The following PCDH15 variants were observed in gnomAD, a reference collection of about 807,000 sequenced individuals.
The protein encoded by PCDH15 is protocadherin related 15.
Under a neutral mutation model 178.5 loss-of-function variants are expected in PCDH15, and 129 were observed. That is an observed-to-expected ratio of 0.72 (90% CI 0.63 to 0.84). PCDH15 has a LOEUF of 0.84. PCDH15 is among the 40% of genes least tolerant of loss of function. The pLI is 0.00. For synonymous variants in PCDH15, 800 were observed against 732.0 expected, an observed-to-expected ratio of 1.09 and a Z score of -1.50; for missense variants, 2,230 against 2,099.9, an observed-to-expected ratio of 1.06 and a Z score of -1.21.
intron 2 of PCDH15, among the ~76,000 whole-genome samples, chr10:55,351,623 T>C (rs575998179): frequency 3.7e-4 from 56 of 152,294 alleles, no homozygotes; most frequent in African/African-American, 1.3e-3. Flanking sequence ...CATTGTTTGC[T>C]TTCTCCACTG....
At chr10:53,830,917 C>T (rs1372171916) in intron 30 of PCDH15, among the ~76,000 whole-genome samples, 3 of 152,196 alleles carry the variant, frequency 2.0e-5, no homozygotes, top group East Asian at 1.9e-4. Flanking sequence ...ATGACAATGT[C>T]GCGAAGTTAT....
intron 2 of PCDH15, among the ~76,000 whole-genome samples, chr10:55,369,942 G>A (rs561930720): frequency 6.6e-6 from 1 of 151,520 alleles, no homozygotes; most frequent in South Asian, 2.1e-4. Flanking sequence ...AAATGGTCAA[G>A]TAATGGCAAT....
At chr10:54,664,141 G>A (rs368496748) in intron 2 of PCDH15, 31 bp downstream of exon 2, 40 of 1,509,298 alleles carry the variant, frequency 2.7e-5, no homozygotes, top group Non-Finnish European at 3.5e-5. Context: ...ATCCTGGCTC[G>A]CTCTAAAGGT....
chr10:54,620,846 T>C (rs1250702842), intron 2 of PCDH15, among the ~76,000 whole-genome samples: 1 of 152,016 alleles, frequency 6.6e-6, no homozygotes. Flanking sequence ...ATACAACACC[T>C]CCTTTTTCCC....
intron 2 of PCDH15, among the ~76,000 whole-genome samples, chr10:54,618,966 A>G (rs1252261710): frequency 6.6e-6 from 1 of 152,060 alleles, no homozygotes; most frequent in Non-Finnish European, 1.5e-5. Flanking sequence ...GGATGTTTTC[A>G]TTAAAAGAAA....
intron 9 of PCDH15, among the ~76,000 whole-genome samples, chr10:54,231,396 T>C (rs2054050948): frequency 6.6e-6 from 1 of 152,166 alleles, no homozygotes; most frequent in Admixed American, 6.5e-5. Flanking sequence ...TTTCAAAGGA[T>C]GTATGGAAAT....
chr10:55,139,014 T>C (rs374625272), intron 2 of PCDH15, among the ~76,000 whole-genome samples: 1 of 152,144 alleles, frequency 6.6e-6, no homozygotes, highest in Admixed American at 6.6e-5. Context: ...CATTTAGCCA[T>C]ACTGGTAAGT....
intron 2 of PCDH15, among the ~76,000 whole-genome samples, chr10:54,570,576 T>C (rs953828856): frequency 2.0e-5 from 3 of 151,880 alleles, no homozygotes; most frequent in African/African-American, 7.3e-5. Context: ...TGCATTGGAA[T>C]ATATTTATTC....
At chr10:54,473,739 A>T (rs1398583244) in intron 3 of PCDH15, among the ~76,000 whole-genome samples, 1 of 151,950 alleles carries the variant, frequency 6.6e-6, no homozygotes, top group Non-Finnish European at 1.5e-5. Context: ...TTATTTTATT[A>T]TCTTCAAGTA....
At chr10:55,292,638 T>G (rs1353758683) in intron 1 of PCDH15, among the ~76,000 whole-genome samples, 1 of 152,146 alleles carries the variant, frequency 6.6e-6, no homozygotes, top group Non-Finnish European at 1.5e-5. Flanking sequence ...CACCTCGGCC[T>G]TCCAAAGTGC....
intron 15 of PCDH15, among the ~76,000 whole-genome samples, chr10:54,115,720 C>T (rs550400859): frequency 6.6e-6 from 1 of 152,306 alleles, no homozygotes; most frequent in East Asian, 1.9e-4. Context: ...CTTCCCCTCC[C>T]TTCAATAGGA....
At chr10:54,814,700 C>T (rs1952920977) in intron 3 of PCDH15, among the ~76,000 whole-genome samples, 2 of 152,128 alleles carry the variant, frequency 1.3e-5, no homozygotes, top group South Asian at 4.1e-4. Flanking sequence ...CCCATTAACA[C>T]ATTAATGCCT....
intron 2 of PCDH15, among the ~76,000 whole-genome samples, chr10:55,164,876 T>A (rs1437147842): frequency 6.6e-6 from 1 of 152,074 alleles, no homozygotes; most frequent in Non-Finnish European, 1.5e-5. Flanking sequence ...CTTACCCTAA[T>A]CCTTCAAGGA....
chr10:54,560,561 T>C (rs887688824), intron 2 of PCDH15, among the ~76,000 whole-genome samples: 2 of 152,054 alleles, frequency 1.3e-5, no homozygotes, highest in African/African-American at 2.4e-5. Flanking sequence ...AAAATATAGA[T>C]ACACACTTTT....
chr10:54,537,355 G>A (rs2084690837), intron 2 of PCDH15, among the ~76,000 whole-genome samples: 1 of 152,062 alleles, frequency 6.6e-6, no homozygotes, highest in South Asian at 2.1e-4. Context: ...TCTAATAGAA[G>A]AGCTGGTATC....
intron 3 of PCDH15, among the ~76,000 whole-genome samples, chr10:54,465,244 A>G (rs2077440751): frequency 6.6e-6 from 1 of 152,014 alleles, no homozygotes; most frequent in Non-Finnish European, 1.5e-5. Context: ...TTTTCATCTC[A>G]ATGCGTTAAA....
intron 25 of PCDH15, among the ~76,000 whole-genome samples, chr10:53,927,451 A>G (rs1211252971): frequency 1.3e-5 from 2 of 152,210 alleles, no homozygotes; most frequent in Non-Finnish European, 2.9e-5. Flanking sequence ...GAAGAATTAT[A>G]AAATTATACT....
At chr10:55,494,698 C>G (rs900531913) in intron 2 of PCDH15, among the ~76,000 whole-genome samples, 2 of 151,744 alleles carry the variant, frequency 1.3e-5, no homozygotes, top group African/African-American at 4.8e-5. Flanking sequence ...AAATTAAAAT[C>G]TTTACTCCTG....
intron 2 of PCDH15, among the ~76,000 whole-genome samples, chr10:54,615,341 A>C (rs1371152152): frequency 6.6e-6 from 1 of 152,064 alleles, no homozygotes; most frequent in Non-Finnish European, 1.5e-5. Flanking sequence ...AGATTTTTTA[A>C]TTCTGTGTTT....
Sources: gnomAD v4.1 joint callset for allele counts (sites outside exome capture counted in the v4.1 genomes callset) on GRCh38, gnomAD v4.1.1 for gene constraint, MANE v1.5 for transcripts, NCBI Gene and HGNC (gene_info 2026-07-23, HGNC 2026-07-21) for gene names.